The following PACS1 variants were observed in gnomAD, a reference collection of about 807,000 sequenced individuals.
The protein encoded by PACS1 is phosphofurin acidic cluster sorting protein 1.
In PACS1, 24 loss-of-function variants were observed where a neutral mutation model predicts 115.0. That is an observed-to-expected ratio of 0.21 (90% CI 0.15 to 0.29). The LOEUF is 0.29. PACS1 is among the 10% of genes least tolerant of loss of function. PACS1 has a pLI of 1.00. For synonymous variants in PACS1, 453 were observed against 504.5 expected, an observed-to-expected ratio of 0.90 and a Z score of 1.37; for missense variants, 838 against 1,251.2, an observed-to-expected ratio of 0.67 and a Z score of 4.98.
chr11:66,162,347 C>T (rs911472391), intron 1 of PACS1, among the ~76,000 whole-genome samples: 1 of 152,010 alleles, frequency 6.6e-6, no homozygotes, highest in East Asian at 1.9e-4. Context: ...GTCTAGAACT[C>T]CTGACCTTAG....
chr11:66,199,037 C>T (rs974888865), intron 2 of PACS1, among the ~76,000 whole-genome samples: 19 of 152,090 alleles, frequency 1.2e-4, no homozygotes, highest in African/African-American at 4.1e-4. Flanking sequence ...TAAAAAGGGC[C>T]GGGCGTGGTG....
rs556603743 is a variant in PACS1 at position 66,137,531 on chromosome 11, A to G, written c.357-55955A>G. ...CCTTCATTACTGAAATTTTTAACCT[A>G]AATGTAAAACTTGTTATGTGCTTAC... On this transcript the variant is annotated intron_variant, in intron 1 of 23. Coordinates refer to ENST00000320580, the MANE Select transcript of PACS1 (RefSeq NM_018026.4). Among the ~76,000 whole-genome samples the G allele has an allele frequency of 5.9e-5, 9 of 152,284 alleles. No individual in the cohort carries two copies. In the East Asian group the frequency reaches 1.2e-3, roughly 20 times the overall value.
intron 1 of PACS1, among the ~76,000 whole-genome samples, chr11:66,140,085 G>C (rs763064859): frequency 7.9e-5 from 12 of 152,180 alleles, no homozygotes; most frequent in Non-Finnish European, 1.8e-4. Context: ...CTCTGATGTG[G>C]TAAAAACCTT....
chr11:66,117,030 A>G (rs1342564112), intron 1 of PACS1, among the ~76,000 whole-genome samples: 7 of 152,226 alleles, frequency 4.6e-5, no homozygotes, highest in Admixed American at 4.6e-4. Flanking sequence ...AGAAGACAGG[A>G]AGTGTCAGGA....
rs975321411 is a variant in PACS1, at chr11:66,244,303, C to T, written c.*1023C>T. On this transcript the variant is annotated 3_prime_UTR_variant, in exon 24 of 24. Coordinates refer to ENST00000320580, the MANE Select transcript of PACS1 (RefSeq NM_018026.4). ...GCCTTTCCCTGCTCTGTTCTTCCCC[C>T]TCCTTAGGCCCCAGCCTGGGCCCAG... 1 of 152,498 alleles carries T rather than the reference C, an allele frequency of 6.6e-6. No individual in the cohort carries two copies. The highest frequency in any genetic ancestry group is 1.5e-5 in the Non-Finnish European group (1 of 68,174). 9.4% of individuals were successfully genotyped at this position (152,498 alleles called of 1,614,324 possible).
intron 1 of PACS1, among the ~76,000 whole-genome samples, chr11:66,129,014 C>T (rs753265330): frequency 3.3e-5 from 5 of 152,026 alleles, no homozygotes; most frequent in Non-Finnish European, 7.4e-5. Flanking sequence ...GAATGATCTG[C>T]GTCTTGGCTA....
intron 1 of PACS1, among the ~76,000 whole-genome samples, chr11:66,100,233 A>G (rs969681133): frequency 5.9e-5 from 9 of 152,156 alleles, no homozygotes; most frequent in South Asian, 2.1e-4. Context: ...TTAAATTCCA[A>G]TGTAACATTT....
chr11:66,234,876 GTAAAA>G (rs1855675290), intron 17 of PACS1, among the ~76,000 whole-genome samples: 2 of 151,976 alleles, frequency 1.3e-5, no homozygotes, highest in African/African-American at 4.8e-5. Flanking sequence ...CGTCTCAAAA[GTAAAA>G]TAAAATAAAA....
chr11:66,184,498 G>C (rs1361597469), intron 1 of PACS1, among the ~76,000 whole-genome samples: 5 of 152,096 alleles, frequency 3.3e-5, no homozygotes, highest in Admixed American at 3.3e-4. Flanking sequence ...GTATAAACTA[G>C]AATTATTTAG....
rs1030284130 is a variant in PACS1 at position 66,209,483 on chromosome 11, C to T, written c.445-879C>T. ...CTCTTCCCCAGGAGTGCTGGGAACTCACAGACGTTAACAAATCATTTTGCT... is the reference window on the plus strand; with the variant it reads ...CTCTTCCCCAGGAGTGCTGGGAACTTACAGACGTTAACAAATCATTTTGCT... On this transcript the variant is annotated intron_variant, in intron 2 of 23. Transcript: ENST00000320580. Among the ~76,000 whole-genome samples the T allele has an allele frequency of 2.0e-4, 30 of 152,200 alleles. 1 individual carries two copies. The highest frequency in any genetic ancestry group is 7.0e-4 in the African/African-American group (29 of 41,456).
rs764849679 is a variant in PACS1, at chr11:66,230,586, G to A, written c.1413G>A (p.Thr471=). 49 of 1,613,970 alleles carry A rather than the reference G, an allele frequency of 3.0e-5. No homozygotes were observed. Among genetic ancestry groups the A allele is most frequent in the African/African-American group, 1.6e-4 (12 of 74,916 alleles). Residue 471 remains threonine, a synonymous_variant, in exon 12 of 24, where the codon ACG becomes ACA. Coordinates refer to ENST00000320580, the MANE Select transcript of PACS1 (RefSeq NM_018026.4). ...TDQDMFGDAS[T]SLVVPEKVKT... ...AGGACATGTTTGGAGATGCCAGCAC[G>A]AGTCTGGTTGTGCCGGAGAAAGTCA...
chr11:66,085,461 A>AT (rs1212921981), intron 1 of PACS1, among the ~76,000 whole-genome samples: 1 of 152,218 alleles, frequency 6.6e-6, no homozygotes, highest in African/African-American at 2.4e-5. Flanking sequence ...TGCTCATTAT[A>AT]TCTAGATCAA....
intron 4 of PACS1, among the ~76,000 whole-genome samples, chr11:66,215,532 C>T (rs941484921): frequency 2.0e-5 from 3 of 151,652 alleles, no homozygotes; most frequent in African/African-American, 2.4e-5. Context: ...CCTGGGAGGT[C>T]GAGACTGTAG....
intron 19 of PACS1, among the ~76,000 whole-genome samples, chr11:66,237,063 C>T (rs181330585): frequency 1.0e-3 from 159 of 152,322 alleles, no homozygotes; most frequent in African/African-American, 3.7e-3. Context: ...GGATTACAGG[C>T]ACGTGCCACC....
chr11:66,236,189 C>G lies in PACS1; in HGVS notation c.2250+249C>G, dbSNP rs1290520541. On this transcript the variant is annotated intron_variant, in intron 19 of 23. Transcript: ENST00000320580. The surrounding 1 kb of genome is among the most constrained non-coding windows in gnomAD (Gnocchi z 4.2). ...CAGGAGGTCCCGCAGCAGAGAATGG[C>G]TTGGCCCCAAGTGTCAGTAGTGCAG... is the stretch of plus-strand genomic sequence containing the variant. Among the ~76,000 whole-genome samples the G allele has an allele frequency of 1.3e-5, 2 of 152,174 alleles. No homozygotes were observed. The highest frequency in any genetic ancestry group is 4.8e-5 in the African/African-American group (2 of 41,450).
chr11:66,167,641 A>G lies in PACS1; in HGVS notation c.357-25845A>G, dbSNP rs563749582. ...CTCAGAGTCATAAAAATATTGTCCA[A>G]TATTCTAAAATTTTGCCTTTCACAT... On this transcript the variant is annotated intron_variant, in intron 1 of 23. Transcript: ENST00000320580. Among the ~76,000 whole-genome samples the G allele has an allele frequency of 2.7e-5, 4 of 150,260 alleles. 1 individual carries two copies. Among genetic ancestry groups the G allele is most frequent in the South Asian group, 4.2e-4 (2 of 4,808 alleles).
At chr11:66,206,840 A>G (rs1033620246) in intron 2 of PACS1, among the ~76,000 whole-genome samples, 1 of 152,212 alleles carries the variant, frequency 6.6e-6, no homozygotes, top group Non-Finnish European at 1.5e-5. Flanking sequence ...AAGACCCAGG[A>G]CCAGGCCCTC....
At chr11:66,211,020 G>T in intron 3 of PACS1, 114 bp from the exon 4 acceptor site, 2 of 1,237,984 alleles carry the variant, frequency 1.6e-6, no homozygotes, top group Non-Finnish European at 1.2e-6. Context: ...AACCCTGACT[G>T]CCCCCTTTTA....
chr11:66,179,756 A>G (rs778983648), intron 1 of PACS1, among the ~76,000 whole-genome samples: 1 of 152,226 alleles, frequency 6.6e-6, no homozygotes, highest in Admixed American at 6.5e-5. Flanking sequence ...AACTTGAACC[A>G]TAGGTACTTT....
Sources: allele counts gnomAD v4.1 joint callset (sites outside exome capture counted in the v4.1 genomes callset), GRCh38; gene constraint gnomAD v4.1.1; non-coding constraint Gnocchi (gnomAD v3.1); transcripts MANE v1.5; gene names NCBI Gene and HGNC (gene_info 2026-07-23, HGNC 2026-07-21).